The following FAF1 variants were observed in gnomAD, a reference collection of about 807,000 sequenced individuals.
The protein encoded by FAF1 is Fas associated factor 1, also known as FAS-associated factor 1.
A neutral mutation model predicts 92.5 loss-of-function variants in FAF1; 25 were observed. The ratio of observed to expected loss-of-function variants is 0.27; its 90% CI spans 0.20 to 0.38. The LOEUF is 0.38. Among genes scored for constraint, FAF1 ranks in the 10% least tolerant of loss-of-function variants. FAF1 has a pLI of 1.00. For missense variants in FAF1, 636 were observed against 793.3 expected (o/e 0.80, Z 2.38); for synonymous variants, 234 against 273.2 (o/e 0.86, Z 1.42).
chr1:50,566,273 T>C (rs1034793141), intron 13 of FAF1, among the ~76,000 whole-genome samples: 2 of 152,110 alleles, frequency 1.3e-5, no homozygotes, highest in African/African-American at 4.8e-5. Context: ...TGGTTTCTAA[T>C]TGTTCTATAA....
chr1:50,512,594 T>C (rs542392656), intron 15 of FAF1, among the ~76,000 whole-genome samples: 6 of 152,334 alleles, frequency 3.9e-5, no homozygotes, highest in African/African-American at 1.4e-4. Context: ...TTGGTCTATA[T>C]ATCTGTTTTC....
At chr1:50,498,137 G>C (rs969767352) in intron 15 of FAF1, among the ~76,000 whole-genome samples, 1 of 152,052 alleles carries the variant, frequency 6.6e-6, no homozygotes, top group African/African-American at 2.4e-5. Flanking sequence ...TTCAACAAGG[G>C]TGGCAAGACC....
At chr1:50,777,038 T>C (rs1371211861) in intron 4 of FAF1, among the ~76,000 whole-genome samples, 2 of 151,816 alleles carry the variant, frequency 1.3e-5, no homozygotes, top group Admixed American at 6.6e-5. Flanking sequence ...GGTGGGGGGA[T>C]TGCTTGAGCC....
chr1:50,723,218 C>T (rs981880648), intron 6 of FAF1, among the ~76,000 whole-genome samples: 7 of 151,950 alleles, frequency 4.6e-5, no homozygotes, highest in East Asian at 1.9e-4. Context: ...CTGGCCAACA[C>T]GGCAAAATCT....
chr1:50,780,205 T>C (rs1012305720), intron 4 of FAF1: 4 of 152,228 alleles, frequency 2.6e-5, no homozygotes, highest in Non-Finnish European at 4.4e-5. Flanking sequence ...CTGATTACAA[T>C]AGACTCACTT....
intron 13 of FAF1, among the ~76,000 whole-genome samples, chr1:50,549,441 T>C (rs916347995): frequency 2.6e-5 from 4 of 151,458 alleles, no homozygotes; most frequent in African/African-American, 7.3e-5. Context: ...CCCGAGTAGC[T>C]GGGACTACAG....
intron 8 of FAF1, among the ~76,000 whole-genome samples, chr1:50,618,422 T>TG (rs1257588090): frequency 6.8e-6 from 1 of 146,172 alleles, no homozygotes; most frequent in Non-Finnish European, 1.5e-5. Flanking sequence ...GAGTTTTTTT[T>TG]TTTTTTTTTT....
At chr1:50,836,124 A>G (rs570287252) in intron 2 of FAF1, among the ~76,000 whole-genome samples, 1 of 144,358 alleles carries the variant, frequency 6.9e-6, no homozygotes, top group Admixed American at 6.9e-5. Flanking sequence ...CTCTGTATGT[A>G]GTTTTTTGGG....
intron 7 of FAF1, among the ~76,000 whole-genome samples, chr1:50,688,607 G>A (rs1174991189): frequency 6.6e-6 from 1 of 152,152 alleles, no homozygotes; most frequent in East Asian, 1.9e-4. Context: ...GAGGGCGGAA[G>A]TTCGAGACCA....
At chr1:50,755,104 C>A (rs2124516783) in intron 4 of FAF1, among the ~76,000 whole-genome samples, 1 of 152,256 alleles carries the variant, frequency 6.6e-6, no homozygotes, top group Non-Finnish European at 1.5e-5. Context: ...TCCCAACAGT[C>A]CCCCAAAGTC....
At chr1:50,888,464 G>C (rs1644688749) in intron 1 of FAF1, among the ~76,000 whole-genome samples, 2 of 152,136 alleles carry the variant, frequency 1.3e-5, no homozygotes, top group Non-Finnish European at 2.9e-5. Context: ...AGTTTTCAAA[G>C]GGAATGCTTC....
chr1:50,640,735 T>C (rs1193182601), intron 8 of FAF1, among the ~76,000 whole-genome samples: 1 of 152,144 alleles, frequency 6.6e-6, no homozygotes, highest in African/African-American at 2.4e-5. Flanking sequence ...GTCTGTATGA[T>C]TTGTAATGAT....
intron 15 of FAF1, among the ~76,000 whole-genome samples, chr1:50,527,295 G>A (rs1647861522): frequency 6.6e-6 from 1 of 152,182 alleles, no homozygotes. Context: ...CGTCCTTGGA[G>A]AAATATCTTT....
intron 18 of FAF1, among the ~76,000 whole-genome samples, chr1:50,472,424 A>ACACACACACACAC (rs1553216761): frequency 8.3e-5 from 8 of 96,150 alleles, no homozygotes; most frequent in African/African-American, 2.2e-4. Context: ...CACACACACA[A>ACACACACACACAC]ACCCCAAAAC....
chr1:50,851,018 A>T (rs1644344025), intron 2 of FAF1, among the ~76,000 whole-genome samples: 1 of 152,148 alleles, frequency 6.6e-6, no homozygotes, highest in South Asian at 2.1e-4. Flanking sequence ...AGTAAGCTTT[A>T]AAAAATATCA....
intron 6 of FAF1, among the ~76,000 whole-genome samples, chr1:50,738,362 G>C (rs12408547): frequency 0.028 from 4,075 of 147,302 alleles, 123 homozygotes; most frequent in Admixed American, 0.11. Context: ...GGAATCACTT[G>C]AATCCGGGAG....
intron 7 of FAF1, among the ~76,000 whole-genome samples, chr1:50,699,546 G>GT (rs1657378898): frequency 6.6e-6 from 1 of 151,946 alleles, no homozygotes; most frequent in Non-Finnish European, 1.5e-5. Context: ...CAAATAAATG[G>GT]TTCTCTTTTA....
chr1:50,497,639 C>A (rs999041536), intron 15 of FAF1, among the ~76,000 whole-genome samples: 36 of 147,526 alleles, frequency 2.4e-4, no homozygotes, highest in Admixed American at 1.1e-3. Flanking sequence ...ACCTCCACCC[C>A]CCCAGGTTTA....
At chr1:50,894,670 C>G (rs1268291809) in intron 1 of FAF1, among the ~76,000 whole-genome samples, 2 of 151,818 alleles carry the variant, frequency 1.3e-5, no homozygotes, top group Admixed American at 1.3e-4. Context: ...TATAAAGTAC[C>G]TTCTCTGACC....
Sources: gnomAD v4.1 joint callset for allele counts (sites outside exome capture counted in the v4.1 genomes callset) on GRCh38, gnomAD v4.1.1 for gene constraint, MANE v1.5 for transcripts, NCBI Gene and HGNC (gene_info 2026-07-23, HGNC 2026-07-21) for gene names.